SPOCK3: variants seen among roughly 807,000 people sequenced by gnomAD.
SPOCK3 encodes testican-3.
Under a neutral mutation model 56.6 loss-of-function variants are expected in SPOCK3, and 30 were observed. The observed-to-expected ratio is 0.53, with a 90% CI of 0.40 to 0.72. The LOEUF is 0.72. Among genes scored for constraint, SPOCK3 ranks in the 30% least tolerant of loss-of-function variants. The pLI is 0.00. For missense variants in SPOCK3, 527 were observed against 530.0 expected, an observed-to-expected ratio of 0.99 and a Z score of 0.06; for synonymous variants, 196 against 183.3, an observed-to-expected ratio of 1.07 and a Z score of -0.56.
intron 2 of SPOCK3, among the ~76,000 whole-genome samples, chr4:167,134,015 C>A (rs1190104695): frequency 6.1e-5 from 9 of 147,956 alleles, no homozygotes; most frequent in Non-Finnish European, 1.2e-4. Context: ...AACTTTTACA[C>A]CTTTTTCTTT....
intron 8 of SPOCK3, among the ~76,000 whole-genome samples, chr4:166,753,386 C>T (rs1736670363): frequency 1.3e-5 from 2 of 151,726 alleles, no homozygotes; most frequent in South Asian, 4.2e-4. Flanking sequence ...GTAATGTAGC[C>T]AACAATGTGT....
intron 6 of SPOCK3, among the ~76,000 whole-genome samples, chr4:166,867,758 A>G (rs1560951007): frequency 6.6e-6 from 1 of 151,716 alleles, no homozygotes; most frequent in African/African-American, 2.4e-5. Context: ...AAATTAGGCC[A>G]TAAAAGTATT....
intron 2 of SPOCK3, among the ~76,000 whole-genome samples, chr4:167,086,444 A>G (rs1356908785): frequency 6.6e-6 from 1 of 152,092 alleles, no homozygotes; most frequent in African/African-American, 2.4e-5. Flanking sequence ...TCATCCCTTT[A>G]CCTAAGAAGT....
chr4:166,987,187 G>T (rs1365470698), intron 4 of SPOCK3, among the ~76,000 whole-genome samples: 1 of 152,050 alleles, frequency 6.6e-6, no homozygotes, highest in African/African-American at 2.4e-5. Flanking sequence ...CTTCTCTTAT[G>T]ACCACACTGG....
chr4:167,100,754 G>C (rs1759570094), intron 2 of SPOCK3, among the ~76,000 whole-genome samples: 1 of 152,040 alleles, frequency 6.6e-6, no homozygotes, highest in African/African-American at 2.4e-5. Context: ...GATAATCTCA[G>C]TTAAGCAAAA....
chr4:166,948,231 T>C (rs549303339), intron 4 of SPOCK3, among the ~76,000 whole-genome samples: 1 of 152,260 alleles, frequency 6.6e-6, no homozygotes, highest in Admixed American at 6.5e-5. Flanking sequence ...TGTGCATATA[T>C]ACCACATTTT....
rs555306781 is a variant in SPOCK3, at chr4:166,899,293, T to TCTATCTATCTATCTATCTATCTAA, written c.475-10050_475-10049insTTAGATAGATAGATAGATAGATAG. Reference sequence around the variant, plus strand: ...ATCTATCTATCTATCTATCTATCTATCTATCTATGTACCCTATGGGTTGTA... The same window carrying TCTATCTATCTATCTATCTATCTAA: ...ATCTATCTATCTATCTATCTATCTATCTATCTATCTATCTATCTATCTAACTATCTATGTACCCTATGGGTTGTA... On this transcript the variant is annotated intron_variant, in intron 5 of 10. Coordinates refer to ENST00000357545, the MANE Select transcript of SPOCK3 (RefSeq NM_001040159.2). 3.2e-4 allele frequency among the ~76,000 whole-genome samples: 44 copies of TCTATCTATCTATCTATCTATCTAA among 139,120 alleles called. 1 individual carries two copies. The highest frequency in any genetic ancestry group is 6.6e-4 in the East Asian group (3 of 4,560). 91.3% of individuals were successfully genotyped at this position (139,120 alleles called of 152,430 possible). A position where few individuals can be genotyped will look rare whatever the true frequency, so the allele number is the denominator to read the frequency against.
chr4:166,983,543 A>G (rs1746815012), intron 4 of SPOCK3, among the ~76,000 whole-genome samples: 1 of 152,130 alleles, frequency 6.6e-6, no homozygotes, highest in Non-Finnish European at 1.5e-5. Flanking sequence ...AGATAGGAGA[A>G]ATAAATTCTA....
chr4:166,744,698 G>A (rs1735339531), intron 8 of SPOCK3, among the ~76,000 whole-genome samples: 2 of 152,144 alleles, frequency 1.3e-5, no homozygotes, highest in Non-Finnish European at 2.9e-5. Flanking sequence ...CAAGATAAGG[G>A]AGGATGTTCG....
Position 166,734,573 on chromosome 4 carries a change from G to A in SPOCK3, c.*348C>T, listed in dbSNP as rs2054147. The A allele has an allele frequency of 0.39, 67,251 of 171,852 alleles. 13,322 individuals carry two copies. Among genetic ancestry groups the A allele is most frequent in the Admixed American group, 0.46 (7,305 of 15,806 alleles). The allele number at this position is 171,852 out of a possible 1,614,324, so 10.6% of individuals were successfully genotyped here. A position where few individuals can be genotyped will look rare whatever the true frequency, so the allele number is the denominator to read the frequency against. ...AAATTTCACTTAGAATTATCTTTCA[G>A]AAAATTAACATGTACGATCCCAAGC... On this transcript the variant is annotated 3_prime_UTR_variant, in exon 11 of 11. Transcript: ENST00000357545.
intron 2 of SPOCK3, among the ~76,000 whole-genome samples, chr4:167,195,770 A>C (rs536598468): frequency 6.6e-6 from 1 of 152,286 alleles, no homozygotes; most frequent in East Asian, 1.9e-4. Context: ...GGCAGGGACC[A>C]TGGTCAAGGA....
At chr4:166,986,948 A>G (rs1747236167) in intron 4 of SPOCK3, among the ~76,000 whole-genome samples, 1 of 152,096 alleles carries the variant, frequency 6.6e-6, no homozygotes, top group African/African-American at 2.4e-5. Flanking sequence ...ATCTTCCCCC[A>G]GGAGTTACTG....
chr4:166,957,482 C>T (rs1332294026), intron 4 of SPOCK3, among the ~76,000 whole-genome samples: 2 of 152,192 alleles, frequency 1.3e-5, no homozygotes, highest in African/African-American at 4.8e-5. Context: ...TCTTCTCCAT[C>T]TCACTTATTT....
At chr4:167,111,767 T>C (rs958020732) in intron 2 of SPOCK3, among the ~76,000 whole-genome samples, 3 of 151,956 alleles carry the variant, frequency 2.0e-5, no homozygotes, top group African/African-American at 7.2e-5. Flanking sequence ...TAGCACTTTT[T>C]TTTTTTTTGA....
intron 2 of SPOCK3, among the ~76,000 whole-genome samples, chr4:167,124,134 C>T (rs1282099492): frequency 6.6e-6 from 1 of 152,116 alleles, no homozygotes; most frequent in African/African-American, 2.4e-5. Flanking sequence ...TCTTTTGTTG[C>T]TTCCTCCTAA....
At chr4:166,813,400 T>A (rs939571789) in intron 6 of SPOCK3, among the ~76,000 whole-genome samples, 4 of 151,968 alleles carry the variant, frequency 2.6e-5, no homozygotes, top group Admixed American at 6.6e-5. Context: ...TGAAGTGACA[T>A]CCATGCATCA....
intron 3 of SPOCK3, among the ~76,000 whole-genome samples, chr4:167,008,708 G>A (rs1272354096): frequency 1.3e-5 from 2 of 151,964 alleles, no homozygotes; most frequent in African/African-American, 2.4e-5. Context: ...TACAGCTGGA[G>A]GCCATTATTC....
intron 4 of SPOCK3, among the ~76,000 whole-genome samples, chr4:166,989,264 G>A (rs913023165): frequency 1.3e-5 from 2 of 151,534 alleles, no homozygotes; most frequent in African/African-American, 2.4e-5. Flanking sequence ...TTTCTCTATC[G>A]CACACATTAT....
chr4:166,851,429 A>G (rs1031029299), intron 6 of SPOCK3, among the ~76,000 whole-genome samples: 14 of 152,250 alleles, frequency 9.2e-5, no homozygotes, highest in Non-Finnish European at 8.8e-5. Flanking sequence ...CTGCAAAGGA[A>G]CGCAGTTCCT....
Sources: allele counts gnomAD v4.1 joint callset (sites outside exome capture counted in the v4.1 genomes callset), GRCh38; gene constraint gnomAD v4.1.1; transcripts MANE v1.5; gene names NCBI Gene and HGNC (gene_info 2026-07-23, HGNC 2026-07-21).